Variants in SLC67A1 observed in about 807,000 individuals in gnomAD.
SLC67A1 encodes solute carrier family 67 member 1, also known as solute carrier family 67 member A1.
the SLC67A1 span, among the ~76,000 whole-genome samples, chr11:2,913,482 C>T: frequency 3.3e-5 from 5 of 152,224 alleles, no homozygotes; most frequent in South Asian, 6.2e-4. Context: ...CGAGGAGACA[C>T]GAGGACTGGG....
the SLC67A1 span, among the ~76,000 whole-genome samples, chr11:2,900,133 G>A: frequency 4.7e-5 from 7 of 149,990 alleles, no homozygotes; most frequent in Admixed American, 1.3e-4. Context: ...CTGGGCTCTC[G>A]GCTTGACTGC....
the SLC67A1 span, among the ~76,000 whole-genome samples, chr11:2,905,934 G>A: frequency 5.1e-4 from 77 of 152,302 alleles, no homozygotes; most frequent in African/African-American, 1.8e-3. Context: ...GCAGAGAAAC[G>A]GAGAGAGGAA....
the SLC67A1 span, chr11:2,902,547 G>T: frequency 1.0e-6 from 1 of 984,774 alleles, no homozygotes; most frequent in Non-Finnish European, 1.2e-6. Context: ...ACCCTCAGGG[G>T]TCTCCCCGCC....
chr11:2,916,962 C>A, the SLC67A1 span: 1 of 516,610 alleles, frequency 1.9e-6, no homozygotes, highest in Non-Finnish European at 3.5e-6. Flanking sequence ...GGCAGGGAGG[C>A]CCAGAGAGGC....
At chr11:2,907,019 GCAGA>G in the SLC67A1 span, among the ~76,000 whole-genome samples, 1 of 152,054 alleles carries the variant, frequency 6.6e-6, no homozygotes, top group African/African-American at 2.4e-5. The surrounding 1 kb of genome is among the most constrained non-coding windows in gnomAD (Gnocchi z 6.7). Context: ...GAGAGATCTG[GCAGA>G]CAGAGGGCTT....
At chr11:2,916,719 G>T in the SLC67A1 span, 1 of 1,613,082 alleles carries the variant, frequency 6.2e-7, no homozygotes, top group Non-Finnish European at 8.5e-7. Context: ...GGCCAAAACT[G>T]ACGCCCAGGC....
At chr11:2,904,425 A>G in the SLC67A1 span, among the ~76,000 whole-genome samples, 2 of 152,236 alleles carry the variant, frequency 1.3e-5, no homozygotes, top group Non-Finnish European at 2.9e-5. Flanking sequence ...CTCCTGCTAA[A>G]TGGCTGGGGC....
the SLC67A1 span, chr11:2,908,453 C>G: frequency 4.4e-6 from 3 of 679,458 alleles, 1 homozygote. Context: ...TGACGGCACT[C>G]CTGTGTCACA....
the SLC67A1 span, among the ~76,000 whole-genome samples, chr11:2,911,754 C>G: frequency 3.0e-4 from 45 of 152,186 alleles, no homozygotes; most frequent in Non-Finnish European, 6.2e-4. Context: ...GGTGCTGGAG[C>G]AGCTCAGCAC....
At chr11:2,901,711 T>C in the SLC67A1 span, among the ~76,000 whole-genome samples, 5 of 152,060 alleles carry the variant, frequency 3.3e-5, no homozygotes, top group Admixed American at 3.3e-4. Context: ...TGGGGAAAAG[T>C]GGGCTCTCAA....
At chr11:2,923,489 C>T in the SLC67A1 span, among the ~76,000 whole-genome samples, 1 of 151,830 alleles carries the variant, frequency 6.6e-6, no homozygotes, top group Non-Finnish European at 1.5e-5. This position sits in a 1 kb window ranked among gnomAD's most constrained non-coding sequence, Gnocchi z 6.5. Context: ...ACACTCCATC[C>T]ACCTGCCTGT....
chr11:2,903,287 C>A, the SLC67A1 span: 25 of 1,585,588 alleles, frequency 1.6e-5, no homozygotes, highest in African/African-American at 3.1e-4. Context: ...CTTTTGCCCC[C>A]TGCTCCGCCA....
At chr11:2,915,429 GCCTGTGC>G in the SLC67A1 span, among the ~76,000 whole-genome samples, 1 of 152,170 alleles carries the variant, frequency 6.6e-6, no homozygotes, top group Non-Finnish European at 1.5e-5. Context: ...CCTACTGGGT[GCCTGTGC>G]CCTGAGGCCC....
chr11:2,901,406 G>C, the SLC67A1 span, among the ~76,000 whole-genome samples: 2,183 of 152,370 alleles, frequency 0.014, 22 homozygotes, highest in East Asian at 0.068. Context: ...TCTGTGGAGC[G>C]ATGATTGACA....
chr11:2,908,186 C>T, the SLC67A1 span: 20 of 1,372,132 alleles, frequency 1.5e-5, no homozygotes, highest in Non-Finnish European at 1.9e-5. Context: ...ATTCTAGGCC[C>T]TGCAGTCTTT....
the SLC67A1 span, chr11:2,908,322 A>G: frequency 0.74 from 1,189,802 of 1,611,280 alleles, 440,103 homozygotes; most frequent in East Asian, 0.79. Flanking sequence ...GCGGGCCGGT[A>G]TTTGGCAGGT....
At chr11:2,922,415 G>A in the SLC67A1 span, 29 of 1,606,342 alleles carry the variant, frequency 1.8e-5, no homozygotes, top group South Asian at 6.7e-5. Flanking sequence ...CACTCAGCTC[G>A]GCCCCCGCCT....
At chr11:2,913,422 T>C in the SLC67A1 span, among the ~76,000 whole-genome samples, 1 of 151,836 alleles carries the variant, frequency 6.6e-6, no homozygotes, top group Non-Finnish European at 1.5e-5. Context: ...AGGAGGGAGC[T>C]TGTGGTTTGG....
At chr11:2,919,651 GC>G in the SLC67A1 span, 1 of 543,282 alleles carries the variant, frequency 1.8e-6, no homozygotes, top group South Asian at 2.4e-5. Context: ...ATCTGTGGCA[GC>G]CCACCTGCCC....
Sources: gnomAD v4.1 joint callset for allele counts (sites outside exome capture counted in the v4.1 genomes callset) on GRCh38, gnomAD v4.1.1 for gene constraint, Gnocchi (gnomAD v3.1) non-coding constraint, MANE v1.5 for transcripts, NCBI Gene and HGNC (gene_info 2026-07-23, HGNC 2026-07-21) for gene names.